Variants in TMPRSS15 observed in about 807,000 individuals in gnomAD.
The protein encoded by TMPRSS15 is enteropeptidase.
In TMPRSS15, 128 loss-of-function variants were observed where a neutral mutation model predicts 125.3. The observed-to-expected ratio is 1.02, with a 90% CI of 0.89 to 1.18. The LOEUF (loss-of-function observed/expected upper bound fraction) is 1.18. TMPRSS15 is among the 50% of genes most tolerant of loss of function. TMPRSS15 has a pLI of 0.00. For synonymous variants in TMPRSS15, 446 were observed against 423.2 expected (o/e 1.05, Z -0.66); for missense variants, 1,283 against 1,212.7 (o/e 1.06, Z -0.86).
intron 1 of TMPRSS15, among the ~76,000 whole-genome samples, chr21:18,466,563 T>C (rs1266658311): frequency 6.6e-6 from 1 of 151,514 alleles, no homozygotes; most frequent in Non-Finnish European, 1.5e-5. Context: ...TTAACAAATA[T>C]ACAAGAAAAA....
chr21:18,379,338 A>C lies in TMPRSS15; in HGVS notation c.497-20T>G, dbSNP rs1279331542. 13 of 1,200,918 alleles carry C rather than the reference A, an allele frequency of 1.1e-5. No individual in the cohort carries two copies. In the Admixed American group the frequency reaches 2.7e-4, roughly 25 times the overall value. 74.4% of individuals were successfully genotyped at this position (1,200,918 alleles called of 1,614,324 possible). On this transcript the variant is annotated intron_variant, in intron 4 of 24. Coordinates refer to ENST00000284885, the MANE Select transcript of TMPRSS15 (RefSeq NM_002772.3). ...GCTTGTCTGAAAAATAAATTATATT[A>C]AAATAATTATTACCTATTTTAAACT...
chr21:18,283,009 T>C lies in TMPRSS15; in HGVS notation c.2487-1788A>G, dbSNP rs143321440. On this transcript the variant is annotated intron_variant, in intron 21 of 24. Coordinates refer to ENST00000284885, the MANE Select transcript of TMPRSS15 (RefSeq NM_002772.3). ...TAGTGGTTGGTGGCAGCTCCTTAAG[T>C]GGCTTAGAGACTGGGCCAGGAGGTC... 1.8e-4 allele frequency among the ~76,000 whole-genome samples: 28 copies of C among 152,290 alleles called. No individual in the cohort carries two copies. In the East Asian group the frequency reaches 4.3e-3, roughly 23 times the overall value.
chr21:18,359,630 T>G, intron 8 of TMPRSS15, 127 bp downstream of exon 8: 2 of 429,742 alleles, frequency 4.7e-6, no homozygotes, highest in South Asian at 5.9e-5. Context: ...GAAGCAATTG[T>G]TTTTTTTTTA....
chr21:18,270,193 G>A, intron 24 of TMPRSS15, 69 bp from the exon 25 acceptor site: 5 of 1,315,350 alleles, frequency 3.8e-6, no homozygotes, highest in South Asian at 1.4e-5. Context: ...AAAATTATTT[G>A]TATCAAATAA....
At chr21:18,484,154 G>C (rs149059910) in intron 1 of TMPRSS15, among the ~76,000 whole-genome samples, 127 of 151,802 alleles carry the variant, frequency 8.4e-4, no homozygotes, top group African/African-American at 2.8e-3. Context: ...GAATGTATTT[G>C]CTTTCTGGTG....
rs745588275 is a variant in TMPRSS15 at position 18,270,002 on chromosome 21, C to T, written c.3027G>A (p.Arg1009=). The part of the protein sequence containing the change: ...NRPGVYARVS[R]FTEWIQSFLH ...GAAAACTTTGTATCCATTCGGTAAA[C>T]CTTGAGACCCTGGCATACACTCCGG... The change falls in exon 25 of 25, where the codon AGG becomes AGA. Residue 1009 remains arginine (R), a synonymous_variant. Transcript: ENST00000284885. 2 of 1,613,708 alleles carry T rather than the reference C, an allele frequency of 1.2e-6. No individual in the cohort carries two copies. The highest frequency in any genetic ancestry group is 2.2e-5 in the East Asian group (1 of 44,870).
intron 5 of TMPRSS15, among the ~76,000 whole-genome samples, chr21:18,378,641 T>C (rs1360602527): frequency 3.9e-5 from 6 of 152,092 alleles, no homozygotes; most frequent in Non-Finnish European, 8.8e-5. Flanking sequence ...ATCTACAATA[T>C]TGCCTTTATT....
At chr21:18,285,237 T>C (rs1215957249) in intron 21 of TMPRSS15, among the ~76,000 whole-genome samples, 2 of 152,144 alleles carry the variant, frequency 1.3e-5, no homozygotes, top group African/African-American at 4.8e-5. Flanking sequence ...GATGAACTAG[T>C]GGTACCTCAG....
intron 1 of TMPRSS15, among the ~76,000 whole-genome samples, chr21:18,423,926 C>A (rs1459599732): frequency 3.9e-5 from 6 of 152,104 alleles, no homozygotes; most frequent in Non-Finnish European, 7.4e-5. Flanking sequence ...TTATCTTCAT[C>A]TTCTTTTTTT....
chr21:18,433,439 T>C lies in TMPRSS15; in HGVS notation c.11-35110A>G, dbSNP rs551836388. The stretch of plus-strand genomic sequence containing the variant: ...CTGGCATGGTGGCTTATGCCTGTAA[T>C]TGTAACACTTTGGGAGGCAGACGAG... On this transcript the variant is annotated intron_variant, in intron 1 of 7. Transcript: ENST00000422787. Among the ~76,000 whole-genome samples, 285 of 152,054 alleles carry C rather than the reference T, an allele frequency of 1.9e-3. 2 individuals are homozygous for C. The highest frequency in any genetic ancestry group is 3.2e-3 in the Non-Finnish European group (218 of 67,972).
At chr21:18,314,289 C>CT (rs1388390008) in intron 17 of TMPRSS15, among the ~76,000 whole-genome samples, 3 of 151,778 alleles carry the variant, frequency 2.0e-5, no homozygotes, top group Non-Finnish European at 4.4e-5. Context: ...TTATTTTTTT[C>CT]TTTTTTGAGA....
chr21:18,344,148 C>T, intron 10 of TMPRSS15, 88 bp from the exon 11 acceptor site: 1 of 1,106,136 alleles, frequency 9.0e-7, no homozygotes, highest in Non-Finnish European at 1.4e-6. Context: ...GAAAGAAAAA[C>T]TTTAAGAAGA....
At chr21:18,355,358 T>A (rs998228105) in intron 8 of TMPRSS15, among the ~76,000 whole-genome samples, 1 of 151,782 alleles carries the variant, frequency 6.6e-6, no homozygotes, top group African/African-American at 2.4e-5. Flanking sequence ...ATTCTCACGA[T>A]ATCTAATAGA....
intron 1 of TMPRSS15, among the ~76,000 whole-genome samples, chr21:18,481,019 G>A (rs759398440): frequency 6.6e-6 from 1 of 151,750 alleles, no homozygotes; most frequent in Non-Finnish European, 1.5e-5. Context: ...GAAATACTGT[G>A]GTCTTGGAAT....
At chr21:18,444,690 C>T (rs896626653) in intron 1 of TMPRSS15, among the ~76,000 whole-genome samples, 5 of 152,072 alleles carry the variant, frequency 3.3e-5, no homozygotes, top group Non-Finnish European at 7.4e-5. Flanking sequence ...TGTGTCATTT[C>T]TTTTTGGTGA....
At chr21:18,441,716 A>C (rs1466535950) in intron 1 of TMPRSS15, among the ~76,000 whole-genome samples, 1 of 149,010 alleles carries the variant, frequency 6.7e-6, no homozygotes, top group Non-Finnish European at 1.5e-5. Flanking sequence ...TTTGAGTCAG[A>C]GTCTCACTCT....
intron 13 of TMPRSS15, among the ~76,000 whole-genome samples, chr21:18,339,131 C>G (rs2075422907): frequency 6.6e-6 from 1 of 152,048 alleles, no homozygotes; most frequent in Non-Finnish European, 1.5e-5. Flanking sequence ...CTACATCTTA[C>G]ATTTCATCTG....
intron 18 of TMPRSS15, among the ~76,000 whole-genome samples, chr21:18,308,376 TAC>T (rs3138687): frequency 0.013 from 1,897 of 148,636 alleles, 37 homozygotes; most frequent in African/African-American, 0.035. Context: ...TAAAAAGAAT[TAC>T]ACACACACAC....
intron 18 of TMPRSS15, among the ~76,000 whole-genome samples, chr21:18,305,027 C>T (rs1194673773): frequency 6.6e-6 from 1 of 152,010 alleles, no homozygotes; most frequent in East Asian, 1.9e-4. Flanking sequence ...GACACATAAA[C>T]AAAGGTTGAG....
Sources: gnomAD v4.1 joint callset for allele counts (sites outside exome capture counted in the v4.1 genomes callset) on GRCh38, gnomAD v4.1.1 for gene constraint, MANE v1.5 for transcripts, NCBI Gene and HGNC (gene_info 2026-07-23, HGNC 2026-07-21) for gene names.